Variants in INPP4A observed in about 807,000 individuals in gnomAD.
INPP4A encodes the protein inositol polyphosphate-4-phosphatase type I A.
Under a neutral mutation model 119.8 loss-of-function variants are expected in INPP4A, and 33 were observed. That is an observed-to-expected ratio of 0.28 (90% CI 0.21 to 0.37). The LOEUF (loss-of-function observed/expected upper bound fraction) is 0.37. Ranked by LOEUF, INPP4A falls within the 10% of genes least tolerant of loss-of-function variation. The probability of loss-of-function intolerance (pLI) is 1.00; values close to 1 mark genes in which losing one functional copy is unlikely to be tolerated. For synonymous variants in INPP4A, 496 were observed against 500.7 expected (o/e 0.99, Z 0.12); for missense variants, 956 against 1,289.9 (o/e 0.74, Z 3.97).
At chr2:98,559,544 C>T (rs1214790626) in intron 17 of INPP4A, 49 bp downstream of exon 17, 2 of 1,575,924 alleles carry the variant, frequency 1.3e-6, no homozygotes, top group African/African-American at 2.7e-5. Context: ...TTAATTGATA[C>T]TCAGGTAGTG....
chr2:98,526,675 C>T (rs543614679), intron 4 of INPP4A, among the ~76,000 whole-genome samples: 6 of 152,238 alleles, frequency 3.9e-5, no homozygotes, highest in Non-Finnish European at 7.4e-5. Context: ...TCTTGCAGTT[C>T]TATAAAGAAA....
At chr2:98,514,332 A>C (rs1027586681) in intron 1 of INPP4A, among the ~76,000 whole-genome samples, 1 of 152,060 alleles carries the variant, frequency 6.6e-6, no homozygotes, top group Non-Finnish European at 1.5e-5. Flanking sequence ...TCTTTTCCTG[A>C]GGTATTCTTA....
In INPP4A at chr2:98,469,145, C is replaced by T. The variant is rs183861355; in HGVS notation, c.-166+24060C>T. The stretch of plus-strand genomic sequence containing the variant: ...GGCCAGCATGACATTTGCCACCTTT[C>T]CCATGAGGTGATTTGGAGGTACAGC... On this transcript the variant is annotated intron_variant, in intron 1 of 24. Transcript: ENST00000409851. 4.0e-3 allele frequency among the ~76,000 whole-genome samples: 608 copies of T among 152,270 alleles called. 5 individuals carry two copies. Among genetic ancestry groups the T allele is most frequent in the African/African-American group, 0.014 (576 of 41,528 alleles).
chr2:98,481,644 A>G (rs935415862), intron 1 of INPP4A, among the ~76,000 whole-genome samples: 6 of 152,214 alleles, frequency 3.9e-5, no homozygotes, highest in African/African-American at 1.4e-4. Flanking sequence ...AGGATTTATT[A>G]TGTTTCCAAG....
rs572308226 is a variant in INPP4A, at chr2:98,533,432, G to A, written c.207G>A (p.Ala69=). The A allele has an allele frequency of 4.0e-5, 64 of 1,613,778 alleles. No individual in the cohort carries two copies. Among genetic ancestry groups the A allele is most frequent in the Admixed American group, 1.5e-4 (9 of 60,012 alleles). The change falls in exon 5 of 25, where the codon GCG becomes GCA. Residue 69 remains alanine (A), a synonymous_variant. Coordinates refer to ENST00000409851, the MANE Select transcript of INPP4A (RefSeq NM_001134225.2). ...SLDRKPNSFV[A]VSVTTPPQAF... ...ATCGAAAGCCAAATAGTTTTGTTGC[G>A]GTGAGTGTCACCACCCCTCCTCAGG... is the stretch of plus-strand genomic sequence containing the variant.
chr2:98,450,828 A>T (rs1033208770), intron 1 of INPP4A, among the ~76,000 whole-genome samples: 1 of 152,062 alleles, frequency 6.6e-6, no homozygotes, highest in Non-Finnish European at 1.5e-5. Context: ...CAGTGGCTCT[A>T]GCCTGCAACC....
chr2:98,464,336 C>T (rs779317627), intron 1 of INPP4A, among the ~76,000 whole-genome samples: 5 of 152,004 alleles, frequency 3.3e-5, no homozygotes, highest in African/African-American at 9.7e-5. Flanking sequence ...CCGAGCACGA[C>T]GGAGGAAGTG....
intron 18 of INPP4A, 63 bp downstream of exon 18, chr2:98,563,700 T>G: frequency 6.5e-7 from 1 of 1,533,446 alleles, no homozygotes; most frequent in African/African-American, 1.4e-5. Context: ...AAGACAGGCT[T>G]AGGAAGCCCT....
intron 1 of INPP4A, among the ~76,000 whole-genome samples, chr2:98,483,322 C>T (rs1678859340): frequency 6.6e-6 from 1 of 152,186 alleles, no homozygotes; most frequent in African/African-American, 2.4e-5. Flanking sequence ...TACTAGTTTT[C>T]GTGCTAGGAG....
At chr2:98,557,253 A>G (rs1694656209) in intron 16 of INPP4A, among the ~76,000 whole-genome samples, 1 of 152,238 alleles carries the variant, frequency 6.6e-6, no homozygotes, top group South Asian at 2.1e-4. Flanking sequence ...GTGTGCCATA[A>G]AAATCAGCTG....
At chr2:98,542,272 T>G (rs1335530935) in intron 10 of INPP4A, among the ~76,000 whole-genome samples, 1 of 152,278 alleles carries the variant, frequency 6.6e-6, no homozygotes, top group Non-Finnish European at 1.5e-5. Flanking sequence ...TAGCCCTACC[T>G]GCTCTGGGTG....
At chr2:98,556,721 A>G (rs777172694) in intron 16 of INPP4A, among the ~76,000 whole-genome samples, 15 of 152,234 alleles carry the variant, frequency 9.9e-5, no homozygotes, top group Non-Finnish European at 1.9e-4. Flanking sequence ...TTCAAGGTAT[A>G]AGCGTGCCTC....
At chr2:98,517,328 C>T (rs1006296844) in intron 1 of INPP4A, among the ~76,000 whole-genome samples, 8 of 152,200 alleles carry the variant, frequency 5.3e-5, no homozygotes, top group Admixed American at 2.0e-4. Context: ...ACCTTCTCTA[C>T]AGGCTTTTGG....
chr2:98,456,380 G>C (rs1696139364), intron 1 of INPP4A, among the ~76,000 whole-genome samples: 1 of 152,186 alleles, frequency 6.6e-6, no homozygotes. Flanking sequence ...TGTTGCCCAG[G>C]CTGGAGTGCA....
At chr2:98,538,745 T>C (rs1323725265) in intron 8 of INPP4A, 146 bp from the exon 9 acceptor site, 16 of 569,292 alleles carry the variant, frequency 2.8e-5, no homozygotes, top group Non-Finnish European at 4.8e-5. Flanking sequence ...ACTTTGTGGC[T>C]TGGGCAGCAT....
At chr2:98,558,248 C>T (rs539841945) in intron 16 of INPP4A, among the ~76,000 whole-genome samples, 1 of 152,300 alleles carries the variant, frequency 6.6e-6, no homozygotes, top group African/African-American at 2.4e-5. Context: ...CACAGAAGCT[C>T]ATAAAACAGG....
At chr2:98,544,174 T>A (rs1692057574) in intron 11 of INPP4A, among the ~76,000 whole-genome samples, 167 bp downstream of exon 11, 1 of 152,194 alleles carries the variant, frequency 6.6e-6, no homozygotes, top group Non-Finnish European at 1.5e-5. Flanking sequence ...TAAAAATAAC[T>A]TCTTATGTAG....
intron 14 of INPP4A, 58 bp downstream of exon 14, chr2:98,553,027 C>T: frequency 1.4e-6 from 2 of 1,409,176 alleles, no homozygotes; most frequent in Non-Finnish European, 1.9e-6. Flanking sequence ...TTCTGGAAGC[C>T]ACCAGGCAGC....
At chr2:98,581,645 A>G in intron 24 of INPP4A, 1 of 1,589,768 alleles carries the variant, frequency 6.3e-7, no homozygotes, top group South Asian at 1.1e-5. Context: ...ACTTAAGGCT[A>G]GACCCCAGCC....
Sources: gnomAD v4.1 joint callset for allele counts (sites outside exome capture counted in the v4.1 genomes callset) on GRCh38, gnomAD v4.1.1 for gene constraint, MANE v1.5 for transcripts, NCBI Gene and HGNC (gene_info 2026-07-23, HGNC 2026-07-21) for gene names.